VPS13A: variants seen among roughly 807,000 people sequenced by gnomAD.
VPS13A encodes intermembrane lipid transfer protein VPS13A.
In VPS13A, 264 loss-of-function variants were observed where a neutral mutation model predicts 390.9. The ratio of observed to expected loss-of-function variants is 0.68; its 90% CI spans 0.61 to 0.75. The LOEUF (loss-of-function observed/expected upper bound fraction) is 0.75. VPS13A is among the 30% of genes least tolerant of loss of function. VPS13A has a pLI of 0.00. For synonymous variants in VPS13A, 1,231 were observed against 1,227.1 expected, an observed-to-expected ratio of 1.00 and a Z score of -0.07; for missense variants, 3,409 against 3,733.9, an observed-to-expected ratio of 0.91 and a Z score of 2.27.
chr9:77,255,946 A>T (rs1587430708), intron 22 of VPS13A, among the ~76,000 whole-genome samples: 1 of 151,922 alleles, frequency 6.6e-6, no homozygotes, highest in East Asian at 1.9e-4. Flanking sequence ...GAACCAACTC[A>T]CATTTTTGTT....
chr9:77,207,413 A>G (rs74801473), intron 5 of VPS13A, among the ~76,000 whole-genome samples: 2,715 of 150,054 alleles, frequency 0.018, 76 homozygotes, highest in African/African-American at 0.063. Context: ...TTACACACAC[A>G]TCCTTTTATG....
At chr9:77,256,684 T>C (rs191071382) in intron 22 of VPS13A, among the ~76,000 whole-genome samples, 5 of 152,324 alleles carry the variant, frequency 3.3e-5, no homozygotes, top group Admixed American at 2.0e-4. Context: ...TTGGCACATA[T>C]ATGTTTATAA....
At chr9:77,185,215 C>T (rs1449582784) in intron 1 of VPS13A, among the ~76,000 whole-genome samples, 1 of 151,694 alleles carries the variant, frequency 6.6e-6, no homozygotes, top group Admixed American at 6.6e-5. Context: ...AATTTTGGCT[C>T]ACTGCAACCT....
At chr9:77,290,779 C>T (rs1174546106) in intron 31 of VPS13A, among the ~76,000 whole-genome samples, 1 of 152,104 alleles carries the variant, frequency 6.6e-6, no homozygotes, top group Non-Finnish European at 1.5e-5. Flanking sequence ...TTTAATATAT[C>T]CCTTTGACTC....
chr9:77,315,517 A>G (rs776624333), intron 38 of VPS13A, 47 bp downstream of exon 38: 6 of 1,549,770 alleles, frequency 3.9e-6, no homozygotes, highest in East Asian at 2.3e-5. Context: ...TTGAAGTGCT[A>G]CAACAGGACT....
At chr9:77,414,303 G>A (rs566869931) in intron 71 of VPS13A, among the ~76,000 whole-genome samples, 30 of 152,102 alleles carry the variant, frequency 2.0e-4, no homozygotes, top group East Asian at 1.2e-3. Flanking sequence ...TGTTTATTGC[G>A]GCACTATTCA....
intron 7 of VPS13A, 141 bp downstream of exon 7, chr9:77,210,816 G>A (rs550888591): frequency 1.5e-4 from 125 of 817,834 alleles, no homozygotes; most frequent in Admixed American, 1.2e-3. Flanking sequence ...GATTGGAATC[G>A]AGGGTATGTA....
At chr9:77,415,476 ATTACAT>A (rs1252753344) in intron 71 of VPS13A, among the ~76,000 whole-genome samples, 1 of 152,202 alleles carries the variant, frequency 6.6e-6, no homozygotes, top group Non-Finnish European at 1.5e-5. Context: ...AAGGTTGTGT[ATTACAT>A]TTACATTTTA....
chr9:77,313,585 G>T (rs1408760124), intron 35 of VPS13A, among the ~76,000 whole-genome samples: 1 of 152,092 alleles, frequency 6.6e-6, no homozygotes, highest in East Asian at 1.9e-4. Context: ...CTGATTAGTA[G>T]AAAAATTTTA....
intron 71 of VPS13A, among the ~76,000 whole-genome samples, chr9:77,415,258 C>T (rs1289351181): frequency 6.6e-6 from 1 of 152,158 alleles, no homozygotes; most frequent in Non-Finnish European, 1.5e-5. Flanking sequence ...TGTTTTTAAT[C>T]CTCCTGCTTG....
chr9:77,210,594 T>C, intron 6 of VPS13A, 22 bp from the exon 7 acceptor site: 1 of 1,611,866 alleles, frequency 6.2e-7, no homozygotes, highest in Non-Finnish European at 8.5e-7. Flanking sequence ...TCTGAATAAA[T>C]TTTACTTTCT....
chr9:77,374,499 A>G (rs1393133803), intron 67 of VPS13A, among the ~76,000 whole-genome samples: 1 of 152,160 alleles, frequency 6.6e-6, no homozygotes, highest in Non-Finnish European at 1.5e-5. Flanking sequence ...CAGGAAGGAC[A>G]AAGCAGGGTG....
chr9:77,334,893 C>G (rs950280547), intron 46 of VPS13A, among the ~76,000 whole-genome samples: 1 of 152,120 alleles, frequency 6.6e-6, no homozygotes, highest in East Asian at 1.9e-4. Flanking sequence ...ATGCTTCAGT[C>G]AGGTAAGAAG....
intron 1 of VPS13A, among the ~76,000 whole-genome samples, chr9:77,197,878 C>T (rs904664805): frequency 6.6e-6 from 1 of 152,306 alleles, no homozygotes; most frequent in Non-Finnish European, 1.5e-5. Context: ...TTGGCATCAT[C>T]GTTATTCTTG....
At chr9:77,273,974 C>T (rs989074310) in intron 24 of VPS13A, among the ~76,000 whole-genome samples, 1 of 152,064 alleles carries the variant, frequency 6.6e-6, no homozygotes, top group African/African-American at 2.4e-5. Context: ...GACATGTTTT[C>T]GAGTGGCGTA....
intron 67 of VPS13A, among the ~76,000 whole-genome samples, chr9:77,379,088 T>G (rs1022485915): frequency 1.4e-5 from 2 of 145,016 alleles, no homozygotes; most frequent in Admixed American, 6.9e-5. Flanking sequence ...TTTTTTTTTT[T>G]TGTGAGATAG....
chr9:77,265,599 T>C (rs2131306550), intron 23 of VPS13A, among the ~76,000 whole-genome samples: 1 of 152,332 alleles, frequency 6.6e-6, no homozygotes, highest in South Asian at 2.1e-4. Flanking sequence ...GTGTTTATAG[T>C]ATTCTCTGAT....
chr9:77,356,972 A>G (rs918793263), intron 55 of VPS13A, 105 bp downstream of exon 55: 1 of 1,264,796 alleles, frequency 7.9e-7, no homozygotes, highest in Non-Finnish European at 1.1e-6. Context: ...ATAAAACAAA[A>G]TAATCCTGTC....
At chr9:77,356,534 G>A (rs776959573) in intron 54 of VPS13A, among the ~76,000 whole-genome samples, 180 bp from the exon 55 acceptor site, 1 of 152,128 alleles carries the variant, frequency 6.6e-6, no homozygotes, top group African/African-American at 2.4e-5. Flanking sequence ...TAGTGCCTCA[G>A]TAGTAGCTTA....
Sources: allele counts gnomAD v4.1 joint callset (sites outside exome capture counted in the v4.1 genomes callset), GRCh38; gene constraint gnomAD v4.1.1; transcripts MANE v1.5; gene names NCBI Gene and HGNC (gene_info 2026-07-23, HGNC 2026-07-21).